Variants in CNTN4 observed in about 807,000 individuals in gnomAD.
CNTN4 encodes the protein contactin 4.
Under a neutral mutation model 122.5 loss-of-function variants are expected in CNTN4, and 77 were observed. That is an observed-to-expected ratio of 0.63 (90% confidence interval 0.52 to 0.76). CNTN4 has a LOEUF of 0.76. Ranked by LOEUF, CNTN4 falls within the 30% of genes least tolerant of loss-of-function variation. The pLI, the probability that CNTN4 is intolerant of heterozygous loss-of-function variation, is 0.00. For missense variants in CNTN4, 1,256 were observed against 1,259.1 expected, an observed-to-expected ratio of 1.00 and a Z score of 0.04; for synonymous variants, 512 against 447.0, an observed-to-expected ratio of 1.15 and a Z score of -1.83.
chr3:2,627,782 C>A (rs529926419), intron 4 of CNTN4, among the ~76,000 whole-genome samples: 1 of 152,096 alleles, frequency 6.6e-6, no homozygotes, highest in Non-Finnish European at 1.5e-5. Context: ...CGTGAGCCAC[C>A]GTGCCTGGCC....
intron 13 of CNTN4, among the ~76,000 whole-genome samples, chr3:2,981,471 G>A (rs528206831): frequency 7.2e-5 from 11 of 151,824 alleles, no homozygotes; most frequent in African/African-American, 2.4e-4. Flanking sequence ...AAACCTTACC[G>A]AGGACTCCCG....
chr3:2,783,882 C>A (rs1479553451), intron 6 of CNTN4, among the ~76,000 whole-genome samples: 1 of 152,136 alleles, frequency 6.6e-6, no homozygotes, highest in Non-Finnish European at 1.5e-5. Flanking sequence ...GTTAGTTGAA[C>A]CCTATAATTT....
At chr3:2,562,994 C>A (rs1437440595) in intron 3 of CNTN4, among the ~76,000 whole-genome samples, 1 of 152,078 alleles carries the variant, frequency 6.6e-6, no homozygotes, top group East Asian at 1.9e-4. Flanking sequence ...TCCCAAAGTG[C>A]TGGGATTATA....
chr3:2,391,797 A>G (rs2046450469), intron 3 of CNTN4, among the ~76,000 whole-genome samples: 1 of 152,142 alleles, frequency 6.6e-6, no homozygotes, highest in Non-Finnish European at 1.5e-5. Context: ...TTGATCACAA[A>G]AACTTACCGT....
At chr3:2,358,100 A>G (rs1178451647) in intron 3 of CNTN4, among the ~76,000 whole-genome samples, 1 of 152,204 alleles carries the variant, frequency 6.6e-6, no homozygotes, top group Non-Finnish European at 1.5e-5. Context: ...CTGCAGCAAA[A>G]TCATTTCTTT....
intron 4 of CNTN4, among the ~76,000 whole-genome samples, chr3:2,678,507 C>T (rs1317510408): frequency 6.6e-6 from 1 of 152,048 alleles, no homozygotes. Flanking sequence ...TACTCTATGG[C>T]GGTGAAAGCA....
rs1162644882 is a variant in CNTN4, at chr3:3,040,144, C to T, written c.2271C>T (p.Ala757=). ...TGACAGTGCTGGCCTCAGCTGATGC[C>T]TCTAGATACGTGTTCAGGAATGAGA... ...WMLTVLASAD[A]SRYVFRNESV... Residue 757 remains alanine, a synonymous_variant, in exon 20 of 25, where the codon GCC becomes GCT. Transcript: ENST00000418658. 2 of 1,613,968 alleles carry T rather than the reference C, an allele frequency of 1.2e-6. No individual in the cohort carries two copies. Among genetic ancestry groups the T allele is most frequent in the Admixed American group, 1.7e-5 (1 of 60,006 alleles).
At position 2,281,039 on chromosome 3, in the gene CNTN4, G is replaced by A. The variant is rs17011724; in HGVS notation, c.-144-58139G>A. Among the ~76,000 whole-genome samples the A allele has an allele frequency of 8.1e-3, 1,229 of 152,274 alleles. 18 individuals carry two copies. The highest frequency in any genetic ancestry group is 0.028 in the African/African-American group (1,164 of 41,542). On this transcript the variant is annotated intron_variant, in intron 2 of 24. Transcript: ENST00000418658. ...TATGACACGCTGATGGGATGAAACAGAGAGACTGCATACTAAAAGTTGGCT... is the reference window on the plus strand; with the variant it reads ...TATGACACGCTGATGGGATGAAACAAAGAGACTGCATACTAAAAGTTGGCT...
At chr3:2,555,080 A>C (rs2078665697) in intron 3 of CNTN4, among the ~76,000 whole-genome samples, 1 of 152,194 alleles carries the variant, frequency 6.6e-6, no homozygotes, top group Admixed American at 6.5e-5. Flanking sequence ...GTCATAGATA[A>C]TTTGAGTATC....
chr3:2,407,614 A>G (rs537258798), intron 3 of CNTN4, among the ~76,000 whole-genome samples: 32 of 152,192 alleles, frequency 2.1e-4, no homozygotes, highest in Non-Finnish European at 3.8e-4. Context: ...GCCTGACCAC[A>G]TACTTCGTAC....
At chr3:2,693,688 A>G (rs1382235056) in intron 4 of CNTN4, among the ~76,000 whole-genome samples, 2 of 152,162 alleles carry the variant, frequency 1.3e-5, no homozygotes, top group Admixed American at 1.3e-4. Flanking sequence ...GCTCCAAGAA[A>G]TAGAGTACGT....
chr3:2,391,825 T>G (rs541558638), intron 3 of CNTN4, among the ~76,000 whole-genome samples: 79 of 152,326 alleles, frequency 5.2e-4, no homozygotes, highest in African/African-American at 1.8e-3. Flanking sequence ...TTTTTGATTT[T>G]GACCCAGGAA....
Position 2,883,218 on chromosome 3 carries a change from G to T in CNTN4, c.726G>T (p.Thr242=), listed in dbSNP as rs375376755. 6.2e-7 allele frequency: 1 copy of T among 1,613,598 alleles called. No homozygotes were observed. Among genetic ancestry groups the T allele is most frequent in the Admixed American group, 1.7e-5 (1 of 59,974 alleles). ...CAGTTCCGACTGCAAAAGGAGCAACGGTGAAGCTGGAATGCTTTGCTTTAG... is the reference window on the plus strand; with the variant it reads ...CAGTTCCGACTGCAAAAGGAGCAACTGTGAAGCTGGAATGCTTTGCTTTAG... ...PETVPTAKGA[T]VKLECFALGN... is the part of the protein sequence containing the mutation. The change falls in exon 9 of 25, where the codon ACG becomes ACT. Residue 242 remains threonine, a synonymous_variant. Transcript: ENST00000418658.
chr3:2,480,147 C>A (rs200516371), intron 3 of CNTN4, among the ~76,000 whole-genome samples: 3 of 145,842 alleles, frequency 2.1e-5, no homozygotes, highest in African/African-American at 7.6e-5. Flanking sequence ...CTAAAAAAAA[C>A]CCTACAGTTA....
At chr3:2,353,043 C>T (rs576807064) in intron 3 of CNTN4, among the ~76,000 whole-genome samples, 74 of 151,862 alleles carry the variant, frequency 4.9e-4, no homozygotes, top group African/African-American at 1.7e-3. Flanking sequence ...GGTTTGTAAA[C>T]GTGCCAATCA....
chr3:2,269,398 A>C (rs1046427528), intron 2 of CNTN4, among the ~76,000 whole-genome samples: 3 of 152,156 alleles, frequency 2.0e-5, no homozygotes, highest in Non-Finnish European at 4.4e-5. Flanking sequence ...CAGCATCTCT[A>C]AATGGCTGTT....
At chr3:2,824,571 G>A (rs2150312785) in intron 7 of CNTN4, among the ~76,000 whole-genome samples, 1 of 152,316 alleles carries the variant, frequency 6.6e-6, no homozygotes, top group African/African-American at 2.4e-5. Context: ...CCCAGGTCCA[G>A]CCCTGCTGAG....
intron 3 of CNTN4, among the ~76,000 whole-genome samples, chr3:2,398,665 A>G (rs72622131): frequency 0.036 from 5,418 of 152,260 alleles, 155 homozygotes; most frequent in East Asian, 0.16. Context: ...TTTGTTCAGT[A>G]TTAAAACAAA....
intron 4 of CNTN4, among the ~76,000 whole-genome samples, chr3:2,629,114 A>G (rs2082317024): frequency 6.6e-6 from 1 of 152,156 alleles, no homozygotes; most frequent in South Asian, 2.1e-4. Flanking sequence ...TTAACCCCCA[A>G]ATGTGACTAT....
Sources: gnomAD v4.1 joint callset for allele counts (sites outside exome capture counted in the v4.1 genomes callset) on GRCh38, gnomAD v4.1.1 for gene constraint, MANE v1.5 for transcripts, NCBI Gene and HGNC (gene_info 2026-07-23, HGNC 2026-07-21) for gene names.